The following FBXO21 variants were observed in gnomAD, a reference collection of about 807,000 sequenced individuals.
The protein encoded by FBXO21 is F-box protein 21, also known as F-box only protein 21.
A neutral mutation model predicts 76.6 loss-of-function variants in FBXO21; 32 were observed. The observed-to-expected ratio is 0.42, with a 90% confidence interval of 0.32 to 0.56. The LOEUF (loss-of-function observed/expected upper bound fraction) is 0.56, where lower values mean the gene tolerates loss of function less well. Ranked by LOEUF, FBXO21 falls within the 20% of genes least tolerant of loss-of-function variation. The pLI, the probability that FBXO21 is intolerant of heterozygous loss-of-function variation, is 0.16. For synonymous variants in FBXO21, 328 were observed against 311.5 expected (o/e 1.05, Z -0.56); for missense variants, 586 against 797.3 (o/e 0.73, Z 3.19).
intron 7 of FBXO21, among the ~76,000 whole-genome samples, chr12:117,170,101 T>A: frequency 7.6e-6 from 1 of 130,966 alleles, no homozygotes. Flanking sequence ...TGTATATCAT[T>A]AATACTTAAA....
Position 117,177,565 on chromosome 12 carries a change from T to G in FBXO21, c.547A>C (p.Lys183Gln). The G allele has an allele frequency of 6.2e-7, 1 of 1,613,894 alleles. No individual in the cohort carries two copies. Among genetic ancestry groups the G allele is most frequent in the Non-Finnish European group, 8.5e-7 (1 of 1,179,804 alleles). The change falls in exon 4 of 12, where the codon AAG becomes CAG. Residue 183 changes from lysine to glutamine, a missense_variant. By Grantham distance (53) the Lys-to-Gln change is moderately conservative. Coordinates refer to ENST00000622495, the MANE Select transcript of FBXO21 (RefSeq NM_015002.3). ...LRQQKILNNL[K>Q]AFLQQPDDYE... ...TCATCTGGCTGCTGAAGAAAGGCCT[T>G]AAGATTATTTAAGATCTTCTGTTGC...
At chr12:117,169,511 T>C (rs753048521) in intron 7 of FBXO21, among the ~76,000 whole-genome samples, 3 of 151,202 alleles carry the variant, frequency 2.0e-5, no homozygotes, top group African/African-American at 7.3e-5. Flanking sequence ...TCTAAACATA[T>C]GGACTAAAAG....
intron 9 of FBXO21, among the ~76,000 whole-genome samples, chr12:117,159,178 T>A (rs1328996355): frequency 6.6e-6 from 1 of 152,216 alleles, no homozygotes; most frequent in Non-Finnish European, 1.5e-5. Flanking sequence ...TGCGACGTGC[T>A]GGACCTCAAC....
At chr12:117,177,445 C>A in intron 4 of FBXO21, 75 bp downstream of exon 4, 1 of 1,448,350 alleles carries the variant, frequency 6.9e-7, no homozygotes, top group Non-Finnish European at 9.4e-7. Flanking sequence ...GAACACAATT[C>A]CCTCTGCTGG....
chr12:117,148,008 G>T (rs1237172252), intron 11 of FBXO21, among the ~76,000 whole-genome samples: 2 of 152,226 alleles, frequency 1.3e-5, no homozygotes, highest in Non-Finnish European at 2.9e-5. Context: ...TTCTTAAACA[G>T]CTGGGTTAAA....
chr12:117,181,599 GTCTATCTATCTATCTATCTATCT>G (rs1388591350), intron 3 of FBXO21, among the ~76,000 whole-genome samples: 3 of 145,536 alleles, frequency 2.1e-5, no homozygotes, highest in African/African-American at 7.6e-5. Flanking sequence ...ATCTGAGACA[GTCTATCTATCTATCTATCTATCT>G]ATCTATCTAT....
At position 117,172,542 on chromosome 12, in the gene FBXO21, C is replaced by A. The variant is rs555590450; in HGVS notation, c.942G>T (p.Gln314His). 6.2e-7 allele frequency: 1 copy of A among 1,614,158 alleles called. No individual in the cohort carries two copies. Among genetic ancestry groups the A allele is most frequent in the Non-Finnish European group, 8.5e-7 (1 of 1,179,972 alleles). The change falls in exon 7 of 12, where the codon CAG becomes CAT. Residue 314 changes from glutamine to histidine, a missense_variant. Coordinates refer to ENST00000622495, the MANE Select transcript of FBXO21 (RefSeq NM_015002.3). ...TGACAGGCTCCAGTGGGACTCCCAACTGCCGAGCAATTGTCAAATAGAGCA... is the reference window on the plus strand; with the variant it reads ...TGACAGGCTCCAGTGGGACTCCCAAATGCCGAGCAATTGTCAAATAGAGCA... Reference protein sequence around the residue: ...MSLLYLTIARQLGVPLEPVNF... With the variant: ...MSLLYLTIARHLGVPLEPVNF...
chr12:117,160,518 A>G (rs911341237), intron 9 of FBXO21, among the ~76,000 whole-genome samples: 1 of 152,314 alleles, frequency 6.6e-6, no homozygotes, highest in Middle Eastern at 3.4e-3. Flanking sequence ...TCCTACTACC[A>G]AAACAGGCCT....
At chr12:117,147,290 G>GAA (rs144755940) in intron 11 of FBXO21, among the ~76,000 whole-genome samples, 3,193 of 85,002 alleles carry the variant, frequency 0.038, 219 homozygotes, top group African/African-American at 0.14. Flanking sequence ...TGAAAAAATG[G>GAA]AAAAAAAAAA....
chr12:117,146,404 T>C (rs1955771035), intron 11 of FBXO21, 127 bp from the exon 12 acceptor site: 1 of 722,242 alleles, frequency 1.4e-6, no homozygotes, highest in African/African-American at 1.8e-5. Flanking sequence ...AGACTGAAGA[T>C]GTTTATGGAG....
At chr12:117,167,912 C>A (rs10850784) in intron 7 of FBXO21, among the ~76,000 whole-genome samples, 29,929 of 152,000 alleles carry the variant, frequency 0.2, 3,310 homozygotes, top group East Asian at 0.41. Context: ...TCACACAGCT[C>A]TTCTTGCAGC....
At chr12:117,160,078 C>T (rs1955960762) in intron 9 of FBXO21, among the ~76,000 whole-genome samples, 1 of 152,170 alleles carries the variant, frequency 6.6e-6, no homozygotes, top group Non-Finnish European at 1.5e-5. Context: ...ATGCATTTCC[C>T]TATACTGCTC....
At chr12:117,187,277 A>C (rs545134528) in intron 2 of FBXO21, among the ~76,000 whole-genome samples, 1 of 151,232 alleles carries the variant, frequency 6.6e-6, no homozygotes, top group Non-Finnish European at 1.5e-5. Context: ...AAAATTAGCC[A>C]GGCGTAGTGG....
chr12:117,186,404 G>T, intron 3 of FBXO21, 73 bp downstream of exon 3: 3 of 1,008,628 alleles, frequency 3.0e-6, no homozygotes, highest in Non-Finnish European at 3.1e-6. Flanking sequence ...CCAGGGTTTA[G>T]CCACACAGAA....
chr12:117,181,396 A>G (rs751855597), intron 3 of FBXO21, among the ~76,000 whole-genome samples: 7 of 152,180 alleles, frequency 4.6e-5, no homozygotes, highest in Non-Finnish European at 8.8e-5. Flanking sequence ...TTTTCCTTAT[A>G]AATGACTTTA....
At chr12:117,164,274 CTT>C (rs538169408) in intron 9 of FBXO21, among the ~76,000 whole-genome samples, 16,989 of 125,878 alleles carry the variant, frequency 0.13, 1,781 homozygotes, top group African/African-American at 0.38. Context: ...CTTTTCTTTT[CTT>C]TTTTTTTTTT....
At chr12:117,148,755 G>T (rs1487339390) in intron 11 of FBXO21, among the ~76,000 whole-genome samples, 1 of 152,182 alleles carries the variant, frequency 6.6e-6, no homozygotes, top group South Asian at 2.1e-4. Flanking sequence ...ACAGTCAGGA[G>T]ACAGCAGGCG....
chr12:117,170,998 C>G (rs1956112140), intron 7 of FBXO21, among the ~76,000 whole-genome samples: 1 of 152,118 alleles, frequency 6.6e-6, no homozygotes, highest in Admixed American at 6.5e-5. Flanking sequence ...AAACACATAT[C>G]TGGAACACAA....
At chr12:117,161,070 C>G (rs1007222279) in intron 9 of FBXO21, among the ~76,000 whole-genome samples, 5 of 152,100 alleles carry the variant, frequency 3.3e-5, no homozygotes, top group Admixed American at 6.5e-5. Flanking sequence ...CTAATGGAGA[C>G]AGATGACGGA....
Sources: gnomAD v4.1 joint callset for allele counts (sites outside exome capture counted in the v4.1 genomes callset) on GRCh38, gnomAD v4.1.1 for gene constraint, MANE v1.5 for transcripts, NCBI Gene and HGNC (gene_info 2026-07-23, HGNC 2026-07-21) for gene names.